SLC38A9: variants seen among roughly 807,000 people sequenced by gnomAD.
The protein encoded by SLC38A9 is neutral amino acid transporter 9.
A neutral mutation model predicts 62.3 loss-of-function variants in SLC38A9; 48 were observed. The observed-to-expected ratio is 0.77, with a 90% CI of 0.61 to 0.98. SLC38A9 has a LOEUF of 0.98. Among genes scored for constraint, SLC38A9 ranks in the 50% least tolerant of loss-of-function variants. The pLI, the probability that SLC38A9 is intolerant of heterozygous loss-of-function variation, is 0.00. For missense variants in SLC38A9, 541 were observed against 679.8 expected (o/e 0.80, Z 2.27); for synonymous variants, 204 against 227.7 (o/e 0.90, Z 0.94).
rs869297949 is a variant in SLC38A9, at chr5:55,678,645, CTTTTTTTTTTTTTTTTTTT to C, written c.114-5969_114-5951del. On this transcript the variant is annotated intron_variant, in intron 3 of 15. Coordinates refer to ENST00000396865, the MANE Select transcript of SLC38A9 (RefSeq NM_173514.4). ...AATTGTTGGATAAGACTGAAATGAA[CTTTTTTTTTTTTTTTTTTT>C]TTTTTTTTTTGAGACAGGGTCTTGC... 9.6e-4 allele frequency among the ~76,000 whole-genome samples: 44 copies of C among 45,800 alleles called. 1 individual carries two copies. The highest frequency in any genetic ancestry group is 7.4e-3 in the Admixed American group (25 of 3,378). The allele number at this position is 45,800 out of a possible 152,430, so 30.0% of individuals were successfully genotyped here. A position where few individuals can be genotyped will look rare whatever the true frequency, so the allele number is the denominator to read the frequency against.
chr5:55,652,357 C>CAAAA lies in SLC38A9; in HGVS notation c.952+168_952+171dup, dbSNP rs60557392. On this transcript the variant is annotated intron_variant, in intron 10 of 15. Coordinates refer to ENST00000396865, the MANE Select transcript of SLC38A9 (RefSeq NM_173514.4). ...GGGCAACAACAGTGAAACTCCGTCTCAAAAAAAAAAAAAAAAAAAAGAAAG... is the reference window on the plus strand; with the variant it reads ...GGGCAACAACAGTGAAACTCCGTCTCAAAAAAAAAAAAAAAAAAAAAAAAGAAAG... 9.4e-3 allele frequency among the ~76,000 whole-genome samples: 524 copies of CAAAA among 55,904 alleles called. 25 individuals carry two copies. Among genetic ancestry groups the CAAAA allele is most frequent in the Middle Eastern group, 0.017 (1 of 60 alleles). The allele number at this position is 55,904 out of a possible 152,430, so 36.7% of individuals were successfully genotyped here. A position where few individuals can be genotyped will look rare whatever the true frequency, so the allele number is the denominator to read the frequency against.
intron 8 of SLC38A9, among the ~76,000 whole-genome samples, chr5:55,659,693 G>T (rs1235171589): frequency 6.6e-6 from 1 of 151,218 alleles, no homozygotes; most frequent in Non-Finnish European, 1.5e-5. Flanking sequence ...CAAACAGAAA[G>T]CTTTTTTAAT....
intron 3 of SLC38A9, among the ~76,000 whole-genome samples, chr5:55,682,516 G>C (rs1411939663): frequency 6.6e-6 from 1 of 152,136 alleles, no homozygotes; most frequent in African/African-American, 2.4e-5. Flanking sequence ...GTATAGGCTG[G>C]GTGTGGTGGC....
chr5:55,635,552 T>C lies in SLC38A9; in HGVS notation c.1273A>G (p.Ile425Val), dbSNP rs1744238763. ...GGTACACGGTGCCTTACCTGCTCAA[T>C]ACAATCTTTGGATAATGGTGGTGAA... ...FPSPPLSKDC[I>V]EQNFLDNFPS... The change falls in exon 13 of 16, where the codon ATT (isoleucine) becomes GTT (valine). Residue 425 changes from isoleucine to valine, a missense_variant. Ile to Val is a conservative substitution (Grantham distance 29, BLOSUM62 3). Coordinates refer to ENST00000396865, the MANE Select transcript of SLC38A9 (RefSeq NM_173514.4). 6.2e-7 allele frequency: 1 copy of C among 1,610,904 alleles called. No individual in the cohort carries two copies. Among genetic ancestry groups the C allele is most frequent in the Non-Finnish European group, 8.5e-7 (1 of 1,177,294 alleles).
chr5:55,690,791 C>T (rs538680918), intron 3 of SLC38A9, among the ~76,000 whole-genome samples: 2 of 152,194 alleles, frequency 1.3e-5, no homozygotes, highest in Admixed American at 6.5e-5. Flanking sequence ...TTGTAAAGTG[C>T]TAAGAGGACA....
At chr5:55,669,045 C>G in intron 7 of SLC38A9, 183 bp downstream of exon 7, 2 of 377,982 alleles carry the variant, frequency 5.3e-6, no homozygotes, top group Non-Finnish European at 4.7e-6. Flanking sequence ...CTCTGAATTT[C>G]AAAAGCAGCC....
intron 7 of SLC38A9, among the ~76,000 whole-genome samples, chr5:55,668,105 C>T (rs147049432): frequency 0.011 from 1,612 of 152,158 alleles, 26 homozygotes; most frequent in African/African-American, 0.037. Flanking sequence ...CCGGGAAGTC[C>T]AGGCAGCAGT....
intron 3 of SLC38A9, among the ~76,000 whole-genome samples, chr5:55,691,722 G>C (rs73123619): frequency 1.3e-5 from 2 of 152,126 alleles, no homozygotes. Context: ...TATCAAGATA[G>C]GAGACTTCTA....
rs1215228458 is a variant in SLC38A9, at chr5:55,629,342, G to T, written c.1431-1362C>A. On this transcript the variant is annotated intron_variant, in intron 14 of 15. Transcript: ENST00000396865. ...ACCTCCTGAATAGCTGGGACTACAG[G>T]TGTGTGTCACCATGACCGGCTAACA... is the stretch of plus-strand genomic sequence containing the variant. 2.6e-5 allele frequency among the ~76,000 whole-genome samples: 4 copies of T among 152,076 alleles called. No individual in the cohort carries two copies. The East Asian group carries it at 5.8e-4, about 22-fold the overall frequency.
intron 12 of SLC38A9, among the ~76,000 whole-genome samples, chr5:55,637,772 T>C (rs1744676176): frequency 1.3e-5 from 2 of 152,186 alleles, no homozygotes; most frequent in South Asian, 4.1e-4. Context: ...TGCAACCTTA[T>C]AATGTAGATA....
intron 7 of SLC38A9, among the ~76,000 whole-genome samples, chr5:55,668,668 T>C (rs1432789397): frequency 1.3e-5 from 2 of 152,216 alleles, no homozygotes; most frequent in South Asian, 2.1e-4. Flanking sequence ...TGCTAAGATT[T>C]AATGAAATAA....
intron 10 of SLC38A9, among the ~76,000 whole-genome samples, chr5:55,649,845 AAAG>A (rs1047532363): frequency 2.6e-5 from 4 of 151,256 alleles, no homozygotes. Flanking sequence ...AAGAATAAGA[AAAG>A]AAGAATCAGA....
At chr5:55,699,497 G>A (rs1225522044) in intron 2 of SLC38A9, among the ~76,000 whole-genome samples, 2 of 152,122 alleles carry the variant, frequency 1.3e-5, no homozygotes, top group African/African-American at 4.8e-5. Context: ...ATCATTTAAA[G>A]ACAACAAACA....
At chr5:55,677,926 T>TTTTGTGTGTGTGTGTGTG (rs1554062823) in intron 3 of SLC38A9, among the ~76,000 whole-genome samples, 1 of 112,144 alleles carries the variant, frequency 8.9e-6, no homozygotes, top group African/African-American at 3.3e-5. Flanking sequence ...TTTTTCTTTA[T>TTTTGTGTGTGTGTGTGTG]TGTGTGTGTG....
At chr5:55,634,745 C>G (rs1298792619) in intron 13 of SLC38A9, 1 of 152,018 alleles carries the variant, frequency 6.6e-6, no homozygotes, top group Non-Finnish European at 1.5e-5. Context: ...CTGAAATAAC[C>G]ATTATAATTC....
intron 3 of SLC38A9, among the ~76,000 whole-genome samples, chr5:55,678,138 G>GTTTGTTT (rs1554063005): frequency 7.7e-6 from 1 of 129,444 alleles, no homozygotes; most frequent in African/African-American, 2.9e-5. Context: ...AAGGTTACTG[G>GTTTGTTT]TTTTTTTTTC....
chr5:55,691,244 T>C, intron 3 of SLC38A9: 1 of 1,167,852 alleles, frequency 8.6e-7, no homozygotes, highest in Non-Finnish European at 1.2e-6. Context: ...ACTAAGTCTC[T>C]GACATATCCA....
At chr5:55,674,353 C>T (rs1751785776) in intron 3 of SLC38A9, among the ~76,000 whole-genome samples, 2 of 152,112 alleles carry the variant, frequency 1.3e-5, no homozygotes, top group Admixed American at 1.3e-4. Flanking sequence ...AAGAAAATCT[C>T]CAATTCAACA....
intron 12 of SLC38A9, among the ~76,000 whole-genome samples, chr5:55,636,595 A>G (rs1038926593): frequency 3.9e-5 from 6 of 152,244 alleles, no homozygotes; most frequent in African/African-American, 1.4e-4. Context: ...GCACAATAAA[A>G]AAACTGGACA....
Sources: allele counts gnomAD v4.1 joint callset (sites outside exome capture counted in the v4.1 genomes callset), GRCh38; gene constraint gnomAD v4.1.1; transcripts MANE v1.5; gene names NCBI Gene and HGNC (gene_info 2026-07-23, HGNC 2026-07-21).